LYN: variants seen among roughly 807,000 people sequenced by gnomAD.
The protein encoded by LYN is LYN proto-oncogene, Src family tyrosine kinase.
A neutral mutation model predicts 65.0 loss-of-function variants in LYN; 12 were observed. That is an observed-to-expected ratio of 0.18 (90% CI 0.12 to 0.30). The LOEUF is 0.30. Among genes scored for constraint, LYN ranks in the 10% least tolerant of loss-of-function variants. The probability of loss-of-function intolerance (pLI) is 1.00; values close to 1 mark genes in which losing one functional copy is unlikely to be tolerated. For synonymous variants in LYN, 222 were observed against 221.2 expected (o/e 1.00, Z -0.03); for missense variants, 380 against 623.2 (o/e 0.61, Z 4.16).
chr8:55,997,044 C>T (rs578155455), intron 10 of LYN, among the ~76,000 whole-genome samples: 19 of 151,822 alleles, frequency 1.3e-4, no homozygotes, highest in African/African-American at 4.1e-4. Flanking sequence ...GCCTGTAATC[C>T]CAGCTACTCG....
chr8:55,895,095 G>A (rs1805057487), intron 1 of LYN, among the ~76,000 whole-genome samples: 1 of 152,192 alleles, frequency 6.6e-6, no homozygotes, highest in South Asian at 2.1e-4. Flanking sequence ...TGGGATTACA[G>A]ACGTGAACCA....
At chr8:55,900,539 A>AT (rs5891598) in intron 1 of LYN, among the ~76,000 whole-genome samples, 4,843 of 126,404 alleles carry the variant, frequency 0.038, 123 homozygotes, top group South Asian at 0.048. Flanking sequence ...TGCCCAGCTA[A>AT]TTTTTTTTTT....
chr8:56,008,177 C>G (rs2130601560), intron 12 of LYN, among the ~76,000 whole-genome samples: 1 of 151,664 alleles, frequency 6.6e-6, no homozygotes, highest in East Asian at 1.9e-4. Flanking sequence ...CTAAAAAAGT[C>G]AATTTGTTGA....
intron 1 of LYN, among the ~76,000 whole-genome samples, chr8:55,904,504 G>A (rs914257950): frequency 6.6e-6 from 1 of 152,018 alleles, no homozygotes; most frequent in African/African-American, 2.4e-5. Flanking sequence ...ATAAATTCCA[G>A]TCCCCACCCT....
intron 1 of LYN, among the ~76,000 whole-genome samples, chr8:55,907,358 A>G (rs750203949): frequency 2.6e-5 from 4 of 152,212 alleles, no homozygotes; most frequent in Non-Finnish European, 5.9e-5. Flanking sequence ...AAAATAAGTC[A>G]AACAGATAAG....
chr8:56,008,405 A>C (rs1808731487), intron 12 of LYN, among the ~76,000 whole-genome samples: 1 of 152,206 alleles, frequency 6.6e-6, no homozygotes, highest in African/African-American at 2.4e-5. Flanking sequence ...TGAGGAATGG[A>C]GCCCCTCTCA....
intron 10 of LYN, among the ~76,000 whole-genome samples, chr8:55,972,904 G>A (rs1253426946): frequency 6.6e-6 from 1 of 152,200 alleles, no homozygotes; most frequent in Non-Finnish European, 1.5e-5. Flanking sequence ...AGTAGGCTGT[G>A]CGATAATGAT....
chr8:55,887,567 T>TAAAA (rs1804833248), intron 1 of LYN, among the ~76,000 whole-genome samples: 1 of 46,680 alleles, frequency 2.1e-5, no homozygotes, highest in African/African-American at 8.9e-5. Flanking sequence ...AATATATATA[T>TAAAA]ATATATATAC....
intron 12 of LYN, among the ~76,000 whole-genome samples, chr8:56,001,269 G>A (rs751641349): frequency 1.3e-5 from 2 of 151,864 alleles, no homozygotes; most frequent in Non-Finnish European, 2.9e-5. Flanking sequence ...AATGAATGAC[G>A]CACCTAGGCC....
chr8:55,954,243 G>T (rs1807038690), intron 8 of LYN, among the ~76,000 whole-genome samples: 1 of 152,168 alleles, frequency 6.6e-6, no homozygotes. Context: ...TTGATCATCT[G>T]CCTATTTCTT....
intron 10 of LYN, among the ~76,000 whole-genome samples, chr8:55,983,884 C>T (rs1437875516): frequency 1.3e-5 from 2 of 152,172 alleles, no homozygotes; most frequent in African/African-American, 2.4e-5. Flanking sequence ...GCTGTCAGGG[C>T]GCTTAAAACA....
intron 8 of LYN, among the ~76,000 whole-genome samples, chr8:55,961,121 A>T (rs974560773): frequency 7.2e-5 from 11 of 152,146 alleles, no homozygotes; most frequent in African/African-American, 2.7e-4. Context: ...TTAATCACCA[A>T]CCCACTTCCA....
At chr8:55,987,497 C>T (rs1808109980) in intron 10 of LYN, among the ~76,000 whole-genome samples, 1 of 151,998 alleles carries the variant, frequency 6.6e-6, no homozygotes, top group Non-Finnish European at 1.5e-5. Flanking sequence ...GTGGTGCAGT[C>T]TTGTCTTGCA....
At chr8:55,981,572 T>C (rs922690298) in intron 10 of LYN, among the ~76,000 whole-genome samples, 1 of 152,218 alleles carries the variant, frequency 6.6e-6, no homozygotes, top group African/African-American at 2.4e-5. Flanking sequence ...TTTAGGCTGG[T>C]CTTGAACTCC....
At position 55,972,087 on chromosome 8, in the gene LYN, G is replaced by A. The variant is rs79117436; in HGVS notation, c.1050+2294G>A. Among the ~76,000 whole-genome samples, 1,416 of 152,334 alleles carry A rather than the reference G, an allele frequency of 9.3e-3. 10 individuals are homozygous for A. The highest frequency in any genetic ancestry group is 0.016 in the Non-Finnish European group (1,106 of 68,018). Reference sequence around the variant, plus strand: ...TCCAGCCCGTGCCAGGTGAACTCATGTTCACAGGTCCAGGGTCTCTTTCCT... The same window carrying A: ...TCCAGCCCGTGCCAGGTGAACTCATATTCACAGGTCCAGGGTCTCTTTCCT... On this transcript the variant is annotated intron_variant, in intron 10 of 12. Coordinates refer to ENST00000519728, the MANE Select transcript of LYN (RefSeq NM_002350.4).
chr8:55,979,107 T>G (rs1807845309), intron 10 of LYN, among the ~76,000 whole-genome samples: 1 of 140,268 alleles, frequency 7.1e-6, no homozygotes, highest in Non-Finnish European at 1.5e-5. Context: ...CACGGTGGAG[T>G]GCAATGGTGC....
intron 8 of LYN, among the ~76,000 whole-genome samples, chr8:55,964,577 A>G (rs1807392165): frequency 6.6e-6 from 1 of 152,238 alleles, no homozygotes; most frequent in Non-Finnish European, 1.5e-5. Flanking sequence ...TTTAAAAAGT[A>G]CATACTTGGC....
chr8:55,924,935 A>G (rs564173438), intron 1 of LYN, among the ~76,000 whole-genome samples: 5 of 149,862 alleles, frequency 3.3e-5, no homozygotes, highest in African/African-American at 7.4e-5. Context: ...TCCGCCTCCC[A>G]GGTTCAAGCG....
rs965445395 is a variant in LYN at position 55,913,470 on chromosome 8, A to G, written c.-5-28385A>G. On this transcript the variant is annotated intron_variant, in intron 1 of 12. Coordinates refer to ENST00000519728, the MANE Select transcript of LYN (RefSeq NM_002350.4). ...ATTCTTGGGACTAGCAAATCTAGAA[A>G]ACACCAACTTGAATAAAACGATTAA... Among the ~76,000 whole-genome samples the G allele has an allele frequency of 2.0e-5, 3 of 152,230 alleles. No homozygotes were observed. The East Asian group carries it at 5.8e-4, about 29-fold the overall frequency.
Sources: gnomAD v4.1 joint callset for allele counts (sites outside exome capture counted in the v4.1 genomes callset) on GRCh38, gnomAD v4.1.1 for gene constraint, MANE v1.5 for transcripts, NCBI Gene and HGNC (gene_info 2026-07-23, HGNC 2026-07-21) for gene names.